The following PVT1 variants were observed in gnomAD, a reference collection of about 807,000 sequenced individuals.
The protein encoded by PVT1 is Pvt1 oncogene.
intron 2 of PVT1, among the ~76,000 whole-genome samples, chr8:127,883,629 A>G (rs1433516824): frequency 6.6e-6 from 1 of 152,008 alleles, no homozygotes; most frequent in Non-Finnish European, 1.5e-5. Context: ...AATAAAAAAA[A>G]ATAAAATTAA....
chr8:128,066,040 T>C (rs1317438636), intron 4 of PVT1, among the ~76,000 whole-genome samples: 1 of 152,182 alleles, frequency 6.6e-6, no homozygotes, highest in African/African-American at 2.4e-5. Context: ...ACAATTACTA[T>C]GAAGAAAATA....
chr8:128,053,374 TACAC>T (rs781195455), intron 4 of PVT1, among the ~76,000 whole-genome samples: 3 of 150,110 alleles, frequency 2.0e-5, no homozygotes, highest in African/African-American at 4.9e-5. Context: ...CATATATATA[TACAC>T]ACACACACAC....
chr8:127,975,990 A>G (rs1816818927), intron 3 of PVT1, among the ~76,000 whole-genome samples: 1 of 152,162 alleles, frequency 6.6e-6, no homozygotes, highest in Non-Finnish European at 1.5e-5. Context: ...CTAGCTCTCC[A>G]GCTGGAACCT....
chr8:127,990,287 T>C (rs1445184428), intron 4 of PVT1, among the ~76,000 whole-genome samples: 1 of 152,178 alleles, frequency 6.6e-6, no homozygotes, highest in Non-Finnish European at 1.5e-5. Context: ...CCCTTGCCCC[T>C]TCCCCTGCCC....
rs530837219 is a variant in PVT1, at chr8:128,054,728, CTG to C, written n.913-15429_913-15428del. Among the ~76,000 whole-genome samples the C allele has an allele frequency of 1.9e-3, 282 of 152,312 alleles. 1 individual carries two copies. Among genetic ancestry groups the C allele is most frequent in the Non-Finnish European group, 3.3e-3 (222 of 68,024 alleles). ...ATTTTGCTGCTTGTGTGAATCATGA[CTG>C]TGACTGGGAATGCTGGGCCCAGGTT... On this transcript the variant is annotated intron_variant and non_coding_transcript_variant, in intron 4 of 10. Transcript: ENST00000651587.
intron 2 of PVT1, among the ~76,000 whole-genome samples, chr8:127,883,948 G>A (rs1244200842): frequency 6.6e-6 from 1 of 152,220 alleles, no homozygotes; most frequent in Non-Finnish European, 1.5e-5. Flanking sequence ...GTGTTCTGAT[G>A]TCTTTGACAT....
intron 4 of PVT1, among the ~76,000 whole-genome samples, chr8:128,064,288 C>A (rs577349914): frequency 2.6e-5 from 4 of 152,264 alleles, no homozygotes; most frequent in South Asian, 2.1e-4. Context: ...CAGCAGAGAG[C>A]GATTCATGGT....
At chr8:127,971,403 T>C (rs993757489) in intron 3 of PVT1, among the ~76,000 whole-genome samples, 4 of 152,186 alleles carry the variant, frequency 2.6e-5, no homozygotes, top group African/African-American at 9.7e-5. Flanking sequence ...TTTCCAAGAG[T>C]ACATGATCTG....
At chr8:128,001,462 G>A (rs934181050) in intron 4 of PVT1, among the ~76,000 whole-genome samples, 5 of 152,074 alleles carry the variant, frequency 3.3e-5, no homozygotes, top group African/African-American at 7.2e-5. Flanking sequence ...CCTCTGTACC[G>A]GTGCCCAGCT....
chr8:127,823,714 G>A (rs550235023), intron 2 of PVT1, among the ~76,000 whole-genome samples: 9 of 152,258 alleles, frequency 5.9e-5, no homozygotes, highest in Non-Finnish European at 8.8e-5. Flanking sequence ...ATACTCCCAC[G>A]CCCACACTTA....
At chr8:127,941,060 G>A (rs1009409159) in intron 3 of PVT1, among the ~76,000 whole-genome samples, 4 of 152,330 alleles carry the variant, frequency 2.6e-5, no homozygotes, top group African/African-American at 9.6e-5. Flanking sequence ...TTGTAGGGCT[G>A]AGATCCCGTT....
intron 3 of PVT1, among the ~76,000 whole-genome samples, chr8:127,896,782 C>CT (rs1010364014): frequency 3.3e-5 from 5 of 149,460 alleles, no homozygotes; most frequent in African/African-American, 1.2e-4. Flanking sequence ...CCTCCCCCCC[C>CT]CCGCCCCCGA....
intron 2 of PVT1, among the ~76,000 whole-genome samples, chr8:127,801,536 T>G (rs1386126143): frequency 6.6e-6 from 1 of 152,176 alleles, no homozygotes; most frequent in Non-Finnish European, 1.5e-5. Flanking sequence ...CCACTGTGAC[T>G]GGCTTCCTTG....
At chr8:127,885,545 CT>C (rs1227089533) in intron 2 of PVT1, among the ~76,000 whole-genome samples, 1 of 152,044 alleles carries the variant, frequency 6.6e-6, no homozygotes, top group African/African-American at 2.4e-5. Flanking sequence ...TATTTTATAC[CT>C]CTTTTATAAG....
At chr8:127,915,275 C>G (rs1815969462) in intron 3 of PVT1, among the ~76,000 whole-genome samples, 1 of 151,990 alleles carries the variant, frequency 6.6e-6, no homozygotes, top group Non-Finnish European at 1.5e-5. Flanking sequence ...ATTTTACCTC[C>G]ATTAAAACAG....
At chr8:127,922,876 A>C (rs758382611) in intron 3 of PVT1, among the ~76,000 whole-genome samples, 1 of 152,208 alleles carries the variant, frequency 6.6e-6, no homozygotes, top group Non-Finnish European at 1.5e-5. Flanking sequence ...ATCCCTGTGC[A>C]TTAGCCACTT....
chr8:127,848,002 G>A (rs1327103225), intron 2 of PVT1, among the ~76,000 whole-genome samples: 1 of 152,156 alleles, frequency 6.6e-6, no homozygotes, highest in Non-Finnish European at 1.5e-5. Context: ...CTATGAAGGA[G>A]ACTCTTGATT....
chr8:128,002,889 T>C (rs567629717), intron 4 of PVT1, among the ~76,000 whole-genome samples: 6 of 152,252 alleles, frequency 3.9e-5, no homozygotes, highest in Non-Finnish European at 5.9e-5. Flanking sequence ...TTTTTCCTTT[T>C]CTTTTCTTTT....
chr8:127,810,536 T>C (rs942018137), intron 2 of PVT1, among the ~76,000 whole-genome samples: 1 of 152,150 alleles, frequency 6.6e-6, no homozygotes, highest in Non-Finnish European at 1.5e-5. Flanking sequence ...CTTTGCCCTG[T>C]GGAGGAAAGC....
Sources: gnomAD v4.1 joint callset for allele counts (sites outside exome capture counted in the v4.1 genomes callset) on GRCh38, gnomAD v4.1.1 for gene constraint, MANE v1.5 for transcripts, NCBI Gene and HGNC (gene_info 2026-07-23, HGNC 2026-07-21) for gene names.